The following SORBS2 variants were observed in gnomAD, a reference collection of about 807,000 sequenced individuals.
SORBS2 encodes the protein sorbin and SH3 domain containing 2.
A neutral mutation model predicts 97.7 loss-of-function variants in SORBS2; 46 were observed. That is an observed-to-expected ratio of 0.47 (90% CI 0.37 to 0.60). The LOEUF (loss-of-function observed/expected upper bound fraction) is 0.60. Among genes scored for constraint, SORBS2 ranks in the 20% least tolerant of loss-of-function variants. SORBS2 has a pLI of 0.00. For synonymous variants in SORBS2, 476 were observed against 473.4 expected (o/e 1.01, Z -0.07); for missense variants, 1,316 against 1,282.3 (o/e 1.03, Z -0.40).
intron 2 of SORBS2, among the ~76,000 whole-genome samples, chr4:185,652,123 C>T (rs1393293878): frequency 6.6e-6 from 1 of 152,146 alleles, no homozygotes; most frequent in Admixed American, 6.5e-5. Flanking sequence ...CAGGTGTGTG[C>T]CACCACAGGC....
intron 2 of SORBS2, among the ~76,000 whole-genome samples, chr4:185,730,511 A>G (rs932009216): frequency 6.6e-6 from 1 of 152,198 alleles, no homozygotes; most frequent in Non-Finnish European, 1.5e-5. Flanking sequence ...TGGCCGCACC[A>G]CTGTCAGCAC....
chr4:185,611,050 C>A (rs1046372961), intron 12 of SORBS2, among the ~76,000 whole-genome samples: 2 of 152,050 alleles, frequency 1.3e-5, no homozygotes, highest in African/African-American at 4.8e-5. Flanking sequence ...TTTTAAATTA[C>A]GTATTGAGAA....
chr4:185,917,669 G>T (rs765046754), intron 1 of SORBS2, among the ~76,000 whole-genome samples: 26 of 152,318 alleles, frequency 1.7e-4, no homozygotes, highest in Admixed American at 3.3e-4. Context: ...TCAACCTGGG[G>T]TTTGCGACTG....
chr4:185,921,889 C>G (rs1479925667), intron 1 of SORBS2, among the ~76,000 whole-genome samples: 2 of 152,216 alleles, frequency 1.3e-5, no homozygotes, highest in African/African-American at 4.8e-5. Context: ...TCCAGAGATT[C>G]CTTTATTCAG....
At chr4:185,710,213 T>C (rs1403541669) in intron 2 of SORBS2, among the ~76,000 whole-genome samples, 2 of 152,086 alleles carry the variant, frequency 1.3e-5, no homozygotes, top group Admixed American at 1.3e-4. Flanking sequence ...CCCAGTAATA[T>C]TTCAGCTTTG....
At chr4:185,871,692 C>T (rs1210633734) in intron 1 of SORBS2, among the ~76,000 whole-genome samples, 1 of 152,234 alleles carries the variant, frequency 6.6e-6, no homozygotes, top group African/African-American at 2.4e-5. Flanking sequence ...TGTTCTGTAG[C>T]TGACCGGCAT....
At chr4:185,695,475 TAAGTAGTAGGA>T (rs1294644940) in intron 2 of SORBS2, among the ~76,000 whole-genome samples, 2 of 151,046 alleles carry the variant, frequency 1.3e-5, no homozygotes, top group Non-Finnish European at 1.5e-5. Context: ...TATTGATGTT[TAAGTAGTAGGA>T]AAACATTGCA....
intron 2 of SORBS2, among the ~76,000 whole-genome samples, chr4:185,736,980 G>A (rs868608562): frequency 6.6e-6 from 1 of 152,184 alleles, no homozygotes; most frequent in Non-Finnish European, 1.5e-5. Context: ...GCATGCCAAG[G>A]AAAGCACAGT....
intron 2 of SORBS2, among the ~76,000 whole-genome samples, chr4:185,704,539 G>C (rs903294973): frequency 6.6e-6 from 1 of 151,986 alleles, no homozygotes; most frequent in Non-Finnish European, 1.5e-5. Flanking sequence ...GGCTAGTCTC[G>C]AGTTCCTGAC....
chr4:185,758,324 T>C (rs1452109466), intron 2 of SORBS2, among the ~76,000 whole-genome samples: 1 of 152,202 alleles, frequency 6.6e-6, no homozygotes, highest in Non-Finnish European at 1.5e-5. Flanking sequence ...TCATCTTTCT[T>C]GATTGCACCT....
chr4:185,929,264 G>C (rs972378524), intron 1 of SORBS2, among the ~76,000 whole-genome samples: 3 of 152,110 alleles, frequency 2.0e-5, no homozygotes, highest in Non-Finnish European at 2.9e-5. Flanking sequence ...GGTGACCCAG[G>C]CTTCCACAAG....
At chr4:185,692,404 T>C (rs2098114103) in intron 2 of SORBS2, among the ~76,000 whole-genome samples, 1 of 152,250 alleles carries the variant, frequency 6.6e-6, no homozygotes, top group Non-Finnish European at 1.5e-5. Context: ...AGAAAGACTT[T>C]TGATAAATAA....
chr4:185,768,042 T>C lies in SORBS2; in HGVS notation c.-198+7185A>G, dbSNP rs548936981. Among the ~76,000 whole-genome samples the C allele has an allele frequency of 7.2e-5, 11 of 152,324 alleles. No homozygotes were observed. The South Asian group carries it at 2.3e-3, about 32-fold the overall frequency. ...CAGTACAGCTTTTCCTTTGTGATAA[T>C]ACCACTGATTTTCTAGTACAATATA... On this transcript the variant is annotated intron_variant, in intron 2 of 20. Transcript: ENST00000284776.
chr4:185,953,892 A>G (rs2099278394), intron 1 of SORBS2, among the ~76,000 whole-genome samples: 1 of 152,244 alleles, frequency 6.6e-6, no homozygotes, highest in East Asian at 1.9e-4. Context: ...TGGGCTTTCC[A>G]TCACACCTGT....
intron 1 of SORBS2, among the ~76,000 whole-genome samples, chr4:185,873,550 C>T (rs2099231607): frequency 6.6e-6 from 1 of 152,134 alleles, no homozygotes; most frequent in Admixed American, 6.5e-5. Context: ...AATTCAAAAT[C>T]TAGGGAAATG....
In SORBS2 at chr4:185,646,329, T is replaced by A. The variant is rs190877594; in HGVS notation, c.396+339A>T. ...ATGATTAGGCACAGTTAGAGTTACA[T>A]GCAAATGAATCTTGCATATAAATAT... On this transcript the variant is annotated intron_variant, in intron 4 of 14. Transcript: ENST00000418609. 171 of 172,498 alleles carry A rather than the reference T, an allele frequency of 9.9e-4. 1 individual carries two copies. The highest frequency in any genetic ancestry group is 3.8e-3 in the African/African-American group (160 of 42,344). 10.7% of individuals were successfully genotyped at this position (172,498 alleles called of 1,614,324 possible).
At chr4:185,640,494 T>G (rs193246250) in intron 4 of SORBS2, among the ~76,000 whole-genome samples, 18 of 152,286 alleles carry the variant, frequency 1.2e-4, no homozygotes, top group Middle Eastern at 6.8e-3. Context: ...TGCCTAGAAA[T>G]CTTGAGATAT....
rs769506088 is a variant in SORBS2 at position 185,649,645 on chromosome 4, G to T, written c.103C>A (p.Pro35Thr). The T allele has an allele frequency of 3.4e-6, 5 of 1,472,628 alleles. No individual in the cohort carries two copies. The African/African-American group carries it at 4.3e-5, about 13-fold the overall frequency. The allele number at this position is 1,472,628 out of a possible 1,614,324, so 91.2% of individuals were successfully genotyped here. ...GGGTGTGACTGAGCACTGTAGGGTG[G>T]GTTGTACAGACCTATCATGACAAAA... The change falls in exon 3 of 15, where the codon CCA becomes ACA. Residue 35 changes from proline (P) to threonine (T), a missense_variant. Physicochemically the swap from Pro to Thr is conservative, Grantham distance 38 (BLOSUM62 -1). Transcript: ENST00000418609.
intron 9 of SORBS2, among the ~76,000 whole-genome samples, chr4:185,617,258 C>T (rs1346144065): frequency 6.6e-6 from 1 of 152,130 alleles, no homozygotes; most frequent in Non-Finnish European, 1.5e-5. Flanking sequence ...ATCCACAGAA[C>T]AGTAGTTAGG....
Sources: gnomAD v4.1 joint callset for allele counts (sites outside exome capture counted in the v4.1 genomes callset) on GRCh38, gnomAD v4.1.1 for gene constraint, MANE v1.5 for transcripts, NCBI Gene and HGNC (gene_info 2026-07-23, HGNC 2026-07-21) for gene names.